KANSL2: variants seen among roughly 807,000 people sequenced by gnomAD.
KANSL2 encodes NSL complex protein NSL2.
Under a neutral mutation model 55.6 loss-of-function variants are expected in KANSL2, and 34 were observed. That is an observed-to-expected ratio of 0.61 (90% CI 0.46 to 0.81). The LOEUF (loss-of-function observed/expected upper bound fraction) is 0.81. Ranked by LOEUF, KANSL2 falls within the 40% of genes least tolerant of loss-of-function variation. The pLI is 0.00. For missense variants in KANSL2, 502 were observed against 609.9 expected (o/e 0.82, Z 1.86); for synonymous variants, 209 against 214.3 (o/e 0.98, Z 0.22).
intron 4 of KANSL2, among the ~76,000 whole-genome samples, chr12:48,672,808 G>C (rs1209490377): frequency 1.3e-5 from 2 of 151,880 alleles, no homozygotes; most frequent in Non-Finnish European, 2.9e-5. Flanking sequence ...ACCCAGGCTG[G>C]AGTGCAGTGG....
intron 4 of KANSL2, among the ~76,000 whole-genome samples, chr12:48,675,803 A>G (rs1277038531): frequency 6.6e-6 from 1 of 152,176 alleles, no homozygotes; most frequent in Non-Finnish European, 1.5e-5. Context: ...AAAATTATGT[A>G]CTAATTCCCC....
chr12:48,675,661 T>G (rs2137200957), intron 4 of KANSL2, among the ~76,000 whole-genome samples: 1 of 152,368 alleles, frequency 6.6e-6, no homozygotes, highest in Non-Finnish European at 1.5e-5. Flanking sequence ...CTGAAGCCAT[T>G]ACTATTAGAA....
intron 2 of KANSL2, among the ~76,000 whole-genome samples, chr12:48,680,754 A>T (rs1219108457): frequency 6.6e-6 from 1 of 151,942 alleles, no homozygotes; most frequent in South Asian, 2.1e-4. Flanking sequence ...AGGCGGATGG[A>T]TCACCTGAGG....
chr12:48,654,962 A>G lies in KANSL2; in HGVS notation c.1326T>C (p.Ala442=), dbSNP rs1939349509. The G allele has an allele frequency of 1.3e-6, 2 of 1,573,496 alleles. No homozygotes were observed. Among genetic ancestry groups the G allele is most frequent in the Non-Finnish European group, 1.7e-6 (2 of 1,159,088 alleles). The change falls in exon 9 of 10, where the codon GCT becomes GCC. Residue 442 remains alanine, a synonymous_variant. Transcript: ENST00000420613. ...TLEDHLVKEI[A]EDPVDILGQM... is the part of the protein sequence containing the mutation. ...TTGCCAAAATATCCACTGGGTCTTC[A>G]GCAATTTCTTTGACTAAATGATCTT... is the stretch of plus-strand genomic sequence containing the variant.
intron 8 of KANSL2, chr12:48,656,784 G>A (rs1475622218): frequency 2.0e-6 from 1 of 504,446 alleles, no homozygotes; most frequent in Non-Finnish European, 3.9e-6. Context: ...CAGGGCCTAA[G>A]GCAATACAAA....
Position 48,667,697 on chromosome 12 carries a change from A to G in KANSL2, c.969T>C (p.Leu323=). 3 of 1,609,534 alleles carry G rather than the reference A, an allele frequency of 1.9e-6. No homozygotes were observed. Among genetic ancestry groups the G allele is most frequent in the Non-Finnish European group, 2.6e-6 (3 of 1,175,840 alleles). The change falls in exon 7 of 10, where the codon CTT becomes CTC. Residue 323 remains leucine, a synonymous_variant. Transcript: ENST00000420613. ...ACAGGCAGAGTAAAAAGATACGGGT[A>G]AGGCAGTGTCTGGTCATTGGAAGAG... ...NQSLPMTRHC[L]THICQDTNQV... is the part of the protein sequence containing the mutation.
intron 4 of KANSL2, among the ~76,000 whole-genome samples, chr12:48,678,533 A>G (rs528118967): frequency 6.6e-6 from 1 of 152,358 alleles, no homozygotes; most frequent in African/African-American, 2.4e-5. Context: ...TTTGATCATG[A>G]CACAAGGTTT....
At chr12:48,666,700 A>G (rs1359093869) in intron 7 of KANSL2, among the ~76,000 whole-genome samples, 1 of 151,932 alleles carries the variant, frequency 6.6e-6, no homozygotes, top group Non-Finnish European at 1.5e-5. Flanking sequence ...CTCAAAAAAT[A>G]TAATTAATAA....
intron 7 of KANSL2, among the ~76,000 whole-genome samples, chr12:48,666,122 G>A (rs1939593263): frequency 6.6e-6 from 1 of 152,036 alleles, no homozygotes; most frequent in South Asian, 2.1e-4. Flanking sequence ...GCTGAGGTGG[G>A]AAGATCGTTT....
In KANSL2 at chr12:48,660,564, C is replaced by G; in HGVS notation, c.1029G>C (p.Glu343Asp). The change falls in exon 8 of 10, where the codon GAG (glutamate) becomes GAC (aspartate). Residue 343 changes from glutamate to aspartate, a missense_variant. Transcript: ENST00000420613. ...VLFKCCQGSEEVPCNKPVPVS... is the reference protein window; with the variant it reads ...VLFKCCQGSEDVPCNKPVPVS... ...CAGGAACAGGTTTGTTGCAGGGTAC[C>G]TCTTCAGATCCCTGGCAGCACTTGA... 1 of 1,613,214 alleles carries G rather than the reference C, an allele frequency of 6.2e-7. No individual in the cohort carries two copies. Among genetic ancestry groups the G allele is most frequent in the Non-Finnish European group, 8.5e-7 (1 of 1,179,548 alleles).
At position 48,679,715 on chromosome 12, in the gene KANSL2, T is replaced by C. The variant is rs1820867978; in HGVS notation, c.370A>G (p.Lys124Glu). ...GGAGTCTGAGACCCCAGCTCTGTCTTAGCATATGAGCTCAGCTGGCACAGG... is the reference window on the plus strand; with the variant it reads ...GGAGTCTGAGACCCCAGCTCTGTCTCAGCATATGAGCTCAGCTGGCACAGG... ...TLLCQLSSYAKTELGSQTPES... is the reference protein window; with the variant it reads ...TLLCQLSSYAETELGSQTPES... Residue 124 changes from lysine to glutamate, a missense_variant, in exon 3 of 10, where the codon AAG (lysine) becomes GAG (glutamate). Physicochemically the swap from Lys to Glu is moderately conservative, Grantham distance 56. Coordinates refer to ENST00000420613, the MANE Select transcript of KANSL2 (RefSeq NM_017822.4). The C allele has an allele frequency of 3.1e-6, 5 of 1,613,134 alleles. No homozygotes were observed. The highest frequency in any genetic ancestry group is 4.2e-6 in the Non-Finnish European group (5 of 1,179,594).
chr12:48,682,029 A>G lies in KANSL2; in HGVS notation c.-10+158T>C, dbSNP rs868303792. ...GCCTATGCGAGCGCCATTTTGTCCT[A>G]CGGCTCCAGTCACCGGAGATCCTGG... On this transcript the variant is annotated intron_variant, in intron 1 of 9. Transcript: ENST00000420613. 3.7e-5 allele frequency: 26 copies of G among 702,870 alleles called. 1 individual carries two copies. The Middle Eastern group carries it at 4.1e-3, about 111-fold the overall frequency. 43.5% of individuals were successfully genotyped at this position (702,870 alleles called of 1,614,324 possible).
chr12:48,677,821 T>C (rs964367074), intron 4 of KANSL2, among the ~76,000 whole-genome samples: 6 of 145,418 alleles, frequency 4.1e-5, no homozygotes, highest in Non-Finnish European at 9.0e-5. Flanking sequence ...GGAATGAATA[T>C]GTTGGTTTAA....
intron 4 of KANSL2, among the ~76,000 whole-genome samples, chr12:48,677,944 A>G (rs1358804447): frequency 6.6e-6 from 1 of 152,164 alleles, no homozygotes; most frequent in East Asian, 1.9e-4. Flanking sequence ...AGATTACTCA[A>G]TAGAAATGGA....
intron 7 of KANSL2, chr12:48,661,282 GA>G (rs144698431): frequency 0.28 from 203,218 of 728,662 alleles, 29,816 homozygotes; most frequent in Non-Finnish European, 0.3. Context: ...AAGGCCCATT[GA>G]AAAAAAAAAG....
At chr12:48,661,348 A>G (rs764053540) in intron 7 of KANSL2, 5 of 229,338 alleles carry the variant, frequency 2.2e-5, no homozygotes, top group Non-Finnish European at 3.6e-5. Flanking sequence ...AGGTAGAAGA[A>G]GAAAAGGGCT....
chr12:48,680,886 C>A (rs972664835), intron 2 of KANSL2, among the ~76,000 whole-genome samples: 3 of 151,976 alleles, frequency 2.0e-5, no homozygotes, highest in Non-Finnish European at 2.9e-5. Flanking sequence ...GCAGGAGAAT[C>A]GCTTGAACCT....
intron 8 of KANSL2, among the ~76,000 whole-genome samples, chr12:48,657,959 G>T (rs146904239): frequency 0.016 from 2,373 of 152,220 alleles, 55 homozygotes; most frequent in African/African-American, 0.053. Context: ...GAATGGGCAC[G>T]GTGGCTCACG....
intron 5 of KANSL2, among the ~76,000 whole-genome samples, chr12:48,669,691 T>C (rs1487939065): frequency 6.6e-6 from 1 of 151,930 alleles, no homozygotes; most frequent in Non-Finnish European, 1.5e-5. Context: ...CTAATTTTTT[T>C]TTTGTATTTT....
Sources: allele counts gnomAD v4.1 joint callset (sites outside exome capture counted in the v4.1 genomes callset), GRCh38; gene constraint gnomAD v4.1.1; transcripts MANE v1.5; gene names NCBI Gene and HGNC (gene_info 2026-07-23, HGNC 2026-07-21).